Variants in MICAL3 observed in about 807,000 individuals in gnomAD.
MICAL3 encodes the protein [F-actin]-monooxygenase MICAL3.
MICAL3 carries 62 observed loss-of-function variants against 207.4 expected under a neutral mutation model. The observed-to-expected ratio is 0.30, with a 90% CI of 0.24 to 0.37. The LOEUF is 0.37. Ranked by LOEUF, MICAL3 falls within the 10% of genes least tolerant of loss-of-function variation. The pLI, the probability that MICAL3 is intolerant of heterozygous loss-of-function variation, is 1.00. For missense variants in MICAL3, 2,368 were observed against 2,635.6 expected (o/e 0.90, Z 2.22); for synonymous variants, 1,077 against 1,069.3 (o/e 1.01, Z -0.14).
rs573612321 is a variant in MICAL3 at position 17,858,528 on chromosome 22, C to T, written c.2605+6371G>A. 287 of 963,620 alleles carry T rather than the reference C, an allele frequency of 3.0e-4. No homozygotes were observed. In the African/African-American group the frequency reaches 4.7e-3, roughly 16 times the overall value. 59.7% of individuals were successfully genotyped at this position (963,620 alleles called of 1,614,324 possible). On this transcript the variant is annotated intron_variant, in intron 19 of 31. Coordinates refer to ENST00000441493, the MANE Select transcript of MICAL3 (RefSeq NM_015241.3). ...GAGCTCCACATGGGTGTTTTTATCT[C>T]GGGGAGCACTTGTGGGACCGGGTCC...
intron 19 of MICAL3, chr22:17,863,202 A>G (rs932341093): frequency 1.0e-6 from 1 of 985,468 alleles, no homozygotes; most frequent in Non-Finnish European, 1.2e-6. Flanking sequence ...GGCGTCATTC[A>G]GGAATAACCT....
chr22:17,922,468 T>C (rs1487217068), intron 1 of MICAL3, among the ~76,000 whole-genome samples: 1 of 152,132 alleles, frequency 6.6e-6, no homozygotes, highest in Non-Finnish European at 1.5e-5. Context: ...TAAGGCATAT[T>C]AGGAGTCTGA....
intron 16 of MICAL3, among the ~76,000 whole-genome samples, chr22:17,873,980 G>A (rs925525435): frequency 5.3e-5 from 8 of 152,320 alleles, no homozygotes; most frequent in East Asian, 1.9e-4. Context: ...CCATTATCCC[G>A]GGGATGCCAA....
rs1442203362 is a variant in MICAL3, at chr22:17,900,038, T to C, written c.848-490A>G. On this transcript the variant is annotated intron_variant, in intron 6 of 31. Coordinates refer to ENST00000441493, the MANE Select transcript of MICAL3 (RefSeq NM_015241.3). The surrounding 1 kb of genome is among the most constrained non-coding windows in gnomAD (Gnocchi z 4.0). ...AATCAAGTTCTAGAAAACAAGAGAA[T>C]GAAGGCACATTTAGCAAAATATCTA... Among the ~76,000 whole-genome samples, 5 of 152,242 alleles carry C rather than the reference T, an allele frequency of 3.3e-5. No homozygotes were observed. Among genetic ancestry groups the C allele is most frequent in the Non-Finnish European group, 5.9e-5 (4 of 68,038 alleles).
intron 21 of MICAL3, among the ~76,000 whole-genome samples, chr22:17,828,968 G>C (rs1007362468): frequency 3.3e-5 from 5 of 152,178 alleles, no homozygotes; most frequent in African/African-American, 1.2e-4. Flanking sequence ...GGACCAGCAA[G>C]ACCACCCAGT....
chr22:17,861,163 C>T (rs1026280254), intron 19 of MICAL3: 53 of 985,250 alleles, frequency 5.4e-5, no homozygotes, highest in Non-Finnish European at 6.1e-5. Flanking sequence ...CCGAACTTCC[C>T]TCTGTCAGGT....
chr22:17,904,941 G>A (rs908296691), intron 2 of MICAL3, 102 bp from the exon 3 acceptor site: 14 of 861,710 alleles, frequency 1.6e-5, no homozygotes, highest in East Asian at 5.3e-5. Context: ...CCCCGAAATA[G>A]GGCTATTCTC....
chr22:17,845,618 T>C (rs535614532), intron 19 of MICAL3, among the ~76,000 whole-genome samples: 2 of 152,162 alleles, frequency 1.3e-5, no homozygotes, highest in East Asian at 3.9e-4. Context: ...GCACTATCAT[T>C]TGCAAATGAA....
At chr22:17,800,559 T>C (rs1173404266) in intron 29 of MICAL3, among the ~76,000 whole-genome samples, 1 of 152,144 alleles carries the variant, frequency 6.6e-6, no homozygotes, top group African/African-American at 2.4e-5. Flanking sequence ...AGCCTTTAGG[T>C]AGTTCACTGA....
intron 25 of MICAL3, 149 bp downstream of exon 25, chr22:17,821,278 C>T: frequency 1.6e-6 from 1 of 627,870 alleles, no homozygotes. Context: ...TGATAGTTTT[C>T]AGTCTTCCTC....
intron 1 of MICAL3, among the ~76,000 whole-genome samples, chr22:18,014,910 A>G (rs1445863181): frequency 6.6e-6 from 1 of 151,968 alleles, no homozygotes; most frequent in Non-Finnish European, 1.5e-5. Flanking sequence ...GGAGAATGGC[A>G]TGAACCCAGA....
chr22:17,804,313 G>A (rs1049376789), intron 29 of MICAL3, among the ~76,000 whole-genome samples: 2 of 152,308 alleles, frequency 1.3e-5, no homozygotes, highest in South Asian at 2.1e-4. Context: ...ACGTCCTACA[G>A]AAGCTCTGAA....
intron 25 of MICAL3, among the ~76,000 whole-genome samples, chr22:17,820,891 CAT>C (rs1030595769): frequency 1.2e-4 from 16 of 133,178 alleles, no homozygotes; most frequent in Admixed American, 9.7e-4. Flanking sequence ...TATTTATAAA[CAT>C]AAATTTTAAT....
At chr22:17,831,512 T>G (rs1569085031) in intron 21 of MICAL3, among the ~76,000 whole-genome samples, 1 of 152,180 alleles carries the variant, frequency 6.6e-6, no homozygotes, top group African/African-American at 2.4e-5. Context: ...TCCCTTTCCT[T>G]ATTAATTTTT....
rs777120034 is a variant in MICAL3 at position 17,788,895 on chromosome 22, G to T, written c.*1837C>A. On this transcript the variant is annotated 3_prime_UTR_variant, in exon 32 of 32. Transcript: ENST00000441493. ...TGCTCCACTGCGGGACGCCTTGGAG[G>T]GGCCAGGCCTCTGCTCCCAGCTGGC... The T allele has an allele frequency of 6.6e-6, 1 of 152,362 alleles. No individual in the cohort carries two copies. The highest frequency in any genetic ancestry group is 6.5e-5 in the Admixed American group (1 of 15,292). The allele number at this position is 152,362 out of a possible 1,614,324, so 9.4% of individuals were successfully genotyped here. A position where few individuals can be genotyped will look rare whatever the true frequency, so the allele number is the denominator to read the frequency against.
intron 19 of MICAL3, chr22:17,860,632 G>A (rs981405107): frequency 6.7e-5 from 66 of 985,358 alleles, no homozygotes; most frequent in Non-Finnish European, 7.7e-5. Context: ...GGGCTCAAAC[G>A]GCTAACTCAG....
At chr22:17,791,349 C>T in intron 29 of MICAL3, 48 bp from the exon 30 acceptor site, 1 of 1,512,034 alleles carries the variant, frequency 6.6e-7, no homozygotes, top group South Asian at 1.2e-5. Flanking sequence ...CGCGCCCACC[C>T]TGGCCCGCAG....
chr22:18,014,130 C>CACACACAT (rs1026728706), intron 1 of MICAL3, among the ~76,000 whole-genome samples: 14 of 151,902 alleles, frequency 9.2e-5, no homozygotes, highest in Non-Finnish European at 2.9e-5. Flanking sequence ...CACACACACA[C>CACACACAT]ACACACACAC....
chr22:17,818,026 C>G lies in MICAL3; in HGVS notation c.4635G>C (p.Thr1545=). The change falls in exon 26 of 32, where the codon ACG becomes ACC. Residue 1545 remains threonine (T), a synonymous_variant. Transcript: ENST00000441493. ...EDSSLQEKFF[T]PPSCWPRPEK... is the part of the protein sequence containing the mutation. ...CGGGGCGCGGCCAGCAGGACGGGGG[C>G]GTGAAGAATTTCTCCTGCAGGCTTG... 6.2e-7 allele frequency: 1 copy of G among 1,612,592 alleles called. No homozygotes were observed. Among genetic ancestry groups the G allele is most frequent in the Non-Finnish European group, 8.5e-7 (1 of 1,179,752 alleles).
Sources: allele counts gnomAD v4.1 joint callset (sites outside exome capture counted in the v4.1 genomes callset), GRCh38; gene constraint gnomAD v4.1.1; non-coding constraint Gnocchi (gnomAD v3.1); transcripts MANE v1.5; gene names NCBI Gene and HGNC (gene_info 2026-07-23, HGNC 2026-07-21).